EBF2: variants seen among roughly 807,000 people sequenced by gnomAD.
EBF2 encodes the protein transcription factor COE2.
A neutral mutation model predicts 72.8 loss-of-function variants in EBF2; 21 were observed. The observed-to-expected ratio is 0.29, with a 90% CI of 0.20 to 0.42. The LOEUF is 0.42. EBF2 is among the 10% of genes least tolerant of loss of function. EBF2 has a pLI of 1.00. For synonymous variants in EBF2, 299 were observed against 274.2 expected, an observed-to-expected ratio of 1.09 and a Z score of -0.89; for missense variants, 637 against 731.2, an observed-to-expected ratio of 0.87 and a Z score of 1.49.
At chr8:25,899,978 A>G (rs889621031) in intron 7 of EBF2, among the ~76,000 whole-genome samples, 4 of 151,948 alleles carry the variant, frequency 2.6e-5, no homozygotes, top group African/African-American at 9.7e-5. Context: ...TTGCTTTCTC[A>G]CAGGCCTGGC....
intron 6 of EBF2, among the ~76,000 whole-genome samples, chr8:25,924,131 G>A (rs1241108060): frequency 1.3e-5 from 2 of 152,140 alleles, no homozygotes; most frequent in African/African-American, 2.4e-5. Context: ...TCATCTCTCT[G>A]TGTCTCACTT....
intron 14 of EBF2, among the ~76,000 whole-genome samples, chr8:25,855,149 T>C (rs1429734941): frequency 6.6e-6 from 1 of 152,150 alleles, no homozygotes; most frequent in African/African-American, 2.4e-5. Flanking sequence ...TCTGTGAACA[T>C]GGGGAGTTAA....
chr8:25,970,118 C>T (rs760733155), intron 6 of EBF2, among the ~76,000 whole-genome samples: 3 of 152,186 alleles, frequency 2.0e-5, no homozygotes, highest in Non-Finnish European at 4.4e-5. Flanking sequence ...TCTTTCTAGT[C>T]TGCTTAGAAA....
intron 6 of EBF2, among the ~76,000 whole-genome samples, chr8:25,992,550 T>G (rs996423802): frequency 1.3e-5 from 2 of 151,990 alleles, no homozygotes; most frequent in African/African-American, 2.4e-5. Flanking sequence ...GTCGTTTGTA[T>G]TAAAGCCACA....
intron 6 of EBF2, among the ~76,000 whole-genome samples, chr8:26,004,074 C>A (rs959478209): frequency 6.6e-6 from 1 of 151,356 alleles, no homozygotes; most frequent in African/African-American, 2.4e-5. Context: ...GGTATTTTCC[C>A]CATGTCCAAA....
chr8:26,025,200 C>T (rs1805282045), intron 6 of EBF2, among the ~76,000 whole-genome samples: 1 of 152,082 alleles, frequency 6.6e-6, no homozygotes, highest in African/African-American at 2.4e-5. Context: ...CAGGGGGATT[C>T]ACAGAGAAAG....
chr8:26,030,775 T>G (rs1340272089), intron 6 of EBF2, among the ~76,000 whole-genome samples: 1 of 152,140 alleles, frequency 6.6e-6, no homozygotes, highest in East Asian at 1.9e-4. Context: ...CATAGGATAG[T>G]AAAAATAAAT....
In EBF2 at chr8:25,856,378, C is replaced by T. The variant is rs116027556; in HGVS notation, c.1528+1941G>A. On this transcript the variant is annotated intron_variant, in intron 14 of 15. Coordinates refer to ENST00000520164, the MANE Select transcript of EBF2 (RefSeq NM_022659.4). Reference sequence around the variant, plus strand: ...TTACACTATAAATACATTAAATATTCCTTAATAATTTAAAAACGTGGTATT... The same window carrying T: ...TTACACTATAAATACATTAAATATTTCTTAATAATTTAAAAACGTGGTATT... Among the ~76,000 whole-genome samples the T allele has an allele frequency of 8.8e-3, 1,333 of 152,226 alleles. 21 individuals are homozygous for T. The highest frequency in any genetic ancestry group is 0.031 in the African/African-American group (1,270 of 41,530).
chr8:26,005,463 TAA>T (rs370375819), intron 6 of EBF2, among the ~76,000 whole-genome samples: 8 of 87,304 alleles, frequency 9.2e-5, no homozygotes, highest in Admixed American at 4.0e-4. Flanking sequence ...TTATATATTA[TAA>T]AATATAATAT....
chr8:26,023,538 C>T (rs567403424), intron 6 of EBF2, among the ~76,000 whole-genome samples: 1 of 152,272 alleles, frequency 6.6e-6, no homozygotes, highest in East Asian at 1.9e-4. Flanking sequence ...TGAGAGAATG[C>T]TAGTCATGGT....
intron 6 of EBF2, among the ~76,000 whole-genome samples, chr8:25,962,397 G>A (rs1416115162): frequency 6.6e-6 from 1 of 152,160 alleles, no homozygotes; most frequent in Non-Finnish European, 1.5e-5. Context: ...TATCAGCCCT[G>A]ATGTAAATAT....
rs780681638 is a variant in EBF2 at position 25,947,412 on chromosome 8, C to T, written c.552-38857G>A. Among the ~76,000 whole-genome samples, 102 of 152,194 alleles carry T rather than the reference C, an allele frequency of 6.7e-4. 1 individual carries two copies. Among genetic ancestry groups the T allele is most frequent in the Admixed American group, 8.5e-4 (13 of 15,272 alleles). On this transcript the variant is annotated intron_variant, in intron 6 of 15. Coordinates refer to ENST00000520164, the MANE Select transcript of EBF2 (RefSeq NM_022659.4). ...TTAAACCTCTTTCCTTTACAAATTA[C>T]GCAGTCTCAGGCATGTCTTTATTAG... is the stretch of plus-strand genomic sequence containing the variant.
At position 26,013,965 on chromosome 8, in the gene EBF2, C is replaced by T. The variant is rs1307436326; in HGVS notation, c.551+19120G>A. 4.6e-5 allele frequency among the ~76,000 whole-genome samples: 7 copies of T among 152,238 alleles called. No homozygotes were observed. The East Asian group carries it at 1.2e-3, about 25-fold the overall frequency. The stretch of plus-strand genomic sequence containing the variant: ...AGACACCACTACAGACAATACTGGG[C>T]CCACCAAAACCCAAGCTCTTCCAAA... On this transcript the variant is annotated intron_variant, in intron 6 of 15. Transcript: ENST00000520164.
intron 7 of EBF2, among the ~76,000 whole-genome samples, chr8:25,894,940 T>C (rs1802842802): frequency 6.6e-6 from 1 of 152,222 alleles, no homozygotes; most frequent in South Asian, 2.1e-4. Flanking sequence ...ACAAAGGAAC[T>C]TCTATGCCTC....
chr8:25,874,080 G>A (rs908925351), intron 10 of EBF2, among the ~76,000 whole-genome samples: 3 of 152,168 alleles, frequency 2.0e-5, no homozygotes, highest in East Asian at 1.9e-4. Context: ...AGTTGTACTT[G>A]GGCCAGTTTC....
intron 6 of EBF2, among the ~76,000 whole-genome samples, chr8:26,008,185 C>T (rs73675789): frequency 0.047 from 7,094 of 152,048 alleles, 583 homozygotes; most frequent in African/African-American, 0.16. Context: ...GCAGTATTTA[C>T]AGCACACAAC....
intron 6 of EBF2, among the ~76,000 whole-genome samples, chr8:25,987,243 G>A (rs892394451): frequency 1.3e-5 from 2 of 152,150 alleles, no homozygotes; most frequent in African/African-American, 4.8e-5. Flanking sequence ...ACAGATATAG[G>A]AATGTTTTTA....
chr8:25,940,127 G>T (rs940417410), intron 6 of EBF2, among the ~76,000 whole-genome samples: 1 of 152,178 alleles, frequency 6.6e-6, no homozygotes, highest in African/African-American at 2.4e-5. Context: ...CATGATGAAA[G>T]AATAGACTAT....
At chr8:25,945,091 C>CT (rs201730707) in intron 6 of EBF2, among the ~76,000 whole-genome samples, 1 of 116,682 alleles carries the variant, frequency 8.6e-6, no homozygotes, top group Non-Finnish European at 1.8e-5. Flanking sequence ...TTCTGTTGCC[C>CT]CCCCCGCCCC....
Sources: allele counts gnomAD v4.1 joint callset (sites outside exome capture counted in the v4.1 genomes callset), GRCh38; gene constraint gnomAD v4.1.1; transcripts MANE v1.5; gene names NCBI Gene and HGNC (gene_info 2026-07-23, HGNC 2026-07-21).